The following CMIP variants were observed in gnomAD, a reference collection of about 807,000 sequenced individuals.
The protein encoded by CMIP is c-Maf inducing protein.
A neutral mutation model predicts 97.3 loss-of-function variants in CMIP; 13 were observed. That is an observed-to-expected ratio of 0.13 (90% confidence interval 0.09 to 0.21). The LOEUF (loss-of-function observed/expected upper bound fraction) is 0.21. Among genes scored for constraint, CMIP ranks in the 10% least tolerant of loss-of-function variants. CMIP has a pLI of 1.00. For missense variants in CMIP, 847 were observed against 1,024.9 expected, an observed-to-expected ratio of 0.83 and a Z score of 2.37; for synonymous variants, 538 against 436.3, an observed-to-expected ratio of 1.23 and a Z score of -2.91.
intron 3 of CMIP, among the ~76,000 whole-genome samples, chr16:81,622,565 G>T (rs935775244): frequency 2.6e-5 from 4 of 152,192 alleles, no homozygotes; most frequent in African/African-American, 9.7e-5. Flanking sequence ...TGGGGCCTCA[G>T]AAAGTGACAG....
intron 16 of CMIP, among the ~76,000 whole-genome samples, chr16:81,702,409 A>C (rs535596772): frequency 6.6e-6 from 1 of 151,196 alleles, no homozygotes; most frequent in South Asian, 2.1e-4. Context: ...TCACTTCCCC[A>C]CTCTCCCACT....
chr16:81,556,786 TACAC>T (rs1184604668), intron 1 of CMIP, among the ~76,000 whole-genome samples: 1 of 152,226 alleles, frequency 6.6e-6, no homozygotes, highest in Non-Finnish European at 1.5e-5. Context: ...ACATCACGTG[TACAC>T]ACACAAAAGC....
chr16:81,698,180 A>G (rs986748676), intron 14 of CMIP: 3 of 152,364 alleles, frequency 2.0e-5, no homozygotes, highest in Non-Finnish European at 4.4e-5. Flanking sequence ...ATGGAGATGC[A>G]TGGCTTGGAA....
intron 1 of CMIP, among the ~76,000 whole-genome samples, chr16:81,491,671 T>C (rs1228171761): frequency 2.0e-5 from 3 of 152,228 alleles, no homozygotes; most frequent in Non-Finnish European, 4.4e-5. Context: ...TGGCGAACTC[T>C]TGCCGCTTGA....
At chr16:81,516,315 C>G (rs1267551523) in intron 1 of CMIP, among the ~76,000 whole-genome samples, 1 of 152,200 alleles carries the variant, frequency 6.6e-6, no homozygotes, top group Non-Finnish European at 1.5e-5. Flanking sequence ...TGGAATCGCG[C>G]TTCTCTCCCG....
chr16:81,559,940 G>C (rs62046638), intron 1 of CMIP, among the ~76,000 whole-genome samples: 22,418 of 151,894 alleles, frequency 0.15, 1,911 homozygotes, highest in African/African-American at 0.24. Flanking sequence ...CTGAGGTCAG[G>C]AGTTCGAGAC....
intron 1 of CMIP, among the ~76,000 whole-genome samples, chr16:81,596,506 CAA>C (rs1164896590): frequency 5.3e-4 from 47 of 88,966 alleles, no homozygotes; most frequent in Admixed American, 4.6e-4. Flanking sequence ...GGCCCTGTCT[CAA>C]AAAAAAAAAA....
chr16:81,469,505 T>C (rs1275783905), intron 1 of CMIP, among the ~76,000 whole-genome samples: 1 of 152,212 alleles, frequency 6.6e-6, no homozygotes, highest in East Asian at 1.9e-4. Flanking sequence ...AGAGGGCTCT[T>C]ATTACTGCCG....
At chr16:81,554,345 G>A (rs1042970854) in intron 1 of CMIP, among the ~76,000 whole-genome samples, 5 of 152,216 alleles carry the variant, frequency 3.3e-5, no homozygotes, top group African/African-American at 1.2e-4. Context: ...AAGCTAAGGA[G>A]CAGAAAGATT....
chr16:81,468,127 A>G (rs535359056), intron 1 of CMIP, among the ~76,000 whole-genome samples: 1 of 152,222 alleles, frequency 6.6e-6, no homozygotes, highest in Non-Finnish European at 1.5e-5. Flanking sequence ...ATGCACGATC[A>G]GGGGCAACCT....
intron 1 of CMIP, among the ~76,000 whole-genome samples, chr16:81,509,280 A>C (rs1271354768): frequency 6.6e-6 from 1 of 152,140 alleles, no homozygotes; most frequent in Non-Finnish European, 1.5e-5. Context: ...TGGCATGGGC[A>C]GGACCACCCA....
At chr16:81,641,517 G>A (rs2092306812) in intron 3 of CMIP, among the ~76,000 whole-genome samples, 1 of 152,170 alleles carries the variant, frequency 6.6e-6, no homozygotes, top group African/African-American at 2.4e-5. Context: ...GTACTCAGCT[G>A]GGAGCCTGAC....
chr16:81,445,387 G>T lies in CMIP; in HGVS notation c.146G>T (p.Gly49Val), dbSNP rs1405442595. Residue 49 changes from glycine (G) to valine (V), a missense_variant, in exon 1 of 21, where the codon GGG (glycine) becomes GTG (valine). By Grantham distance (109) the Gly-to-Val change is moderately radical. Transcript: ENST00000537098. ...CGCCGGGCTCTTCTGCTTTGCAACG[G>T]GATGAGGTACAAACTGCTGCAGGAG... is the stretch of plus-strand genomic sequence containing the variant. ...PCRRALLLCN[G>V]MRYKLLQEGD... The T allele has an allele frequency of 1.2e-6, 2 of 1,605,934 alleles. No individual in the cohort carries two copies. Among genetic ancestry groups the T allele is most frequent in the Admixed American group, 3.4e-5 (2 of 59,110 alleles).
intron 1 of CMIP, among the ~76,000 whole-genome samples, chr16:81,572,337 C>T (rs189489691): frequency 1.3e-5 from 2 of 152,334 alleles, no homozygotes; most frequent in East Asian, 1.9e-4. Flanking sequence ...TGTGAATGAA[C>T]GCGGTCGCTC....
intron 1 of CMIP, among the ~76,000 whole-genome samples, chr16:81,527,064 C>T (rs746978607): frequency 5.3e-5 from 8 of 152,178 alleles, no homozygotes; most frequent in Non-Finnish European, 1.0e-4. Context: ...TCAGACAACA[C>T]GCGCGGGCCA....
chr16:81,672,156 C>G, intron 9 of CMIP, 86 bp downstream of exon 9: 1 of 778,152 alleles, frequency 1.3e-6, no homozygotes, highest in South Asian at 1.6e-5. Flanking sequence ...AAGAACTGAC[C>G]AGGCCAGAGA....
intron 3 of CMIP, among the ~76,000 whole-genome samples, chr16:81,649,375 C>T (rs554083826): frequency 6.6e-6 from 1 of 152,266 alleles, no homozygotes; most frequent in Non-Finnish European, 1.5e-5. Context: ...GTGTCTGAAA[C>T]TGCGTTGGTG....
chr16:81,641,497 G>A (rs1270133495), intron 3 of CMIP, among the ~76,000 whole-genome samples: 1 of 152,180 alleles, frequency 6.6e-6, no homozygotes, highest in Admixed American at 6.5e-5. Context: ...GAAGAGCCAG[G>A]TAGGATGTGG....
chr16:81,575,317 A>G (rs561215682), intron 1 of CMIP, among the ~76,000 whole-genome samples: 38 of 152,248 alleles, frequency 2.5e-4, no homozygotes, highest in Non-Finnish European at 4.6e-4. Flanking sequence ...GAACATTCCT[A>G]GAAGTGGACG....
Sources: allele counts gnomAD v4.1 joint callset (sites outside exome capture counted in the v4.1 genomes callset), GRCh38; gene constraint gnomAD v4.1.1; transcripts MANE v1.5; gene names NCBI Gene and HGNC (gene_info 2026-07-23, HGNC 2026-07-21).